Variants in TACC2 observed in about 807,000 individuals in gnomAD.
TACC2 encodes the protein transforming acidic coiled-coil containing protein 2, also known as transforming acidic coiled-coil-containing protein 2.
In TACC2, 137 loss-of-function variants were observed where a neutral mutation model predicts 227.3. The ratio of observed to expected loss-of-function variants is 0.60; its 90% CI spans 0.52 to 0.69. The LOEUF is 0.69. Among genes scored for constraint, TACC2 ranks in the 30% least tolerant of loss-of-function variants. The pLI is 0.00. For synonymous variants in TACC2, 1,523 were observed against 1,487.5 expected (o/e 1.02, Z -0.55); for missense variants, 3,470 against 3,694.4 (o/e 0.94, Z 1.57).
chr10:122,237,892 T>A (rs2095890537), intron 17 of TACC2, 69 bp from the exon 18 acceptor site: 5 of 1,152,696 alleles, frequency 4.3e-6, no homozygotes, highest in Admixed American at 2.0e-5. Flanking sequence ...CTTTTCTTGA[T>A]CTATGAATTG....
chr10:122,238,096 A>C, intron 18 of TACC2, 59 bp downstream of exon 18: 1 of 1,386,928 alleles, frequency 7.2e-7, no homozygotes, highest in Non-Finnish European at 1.0e-6. Context: ...TGGTTTAATA[A>C]TGACCGGAGC....
intron 19 of TACC2, among the ~76,000 whole-genome samples, chr10:122,243,854 C>T (rs1054289452): frequency 2.0e-5 from 3 of 152,092 alleles, no homozygotes; most frequent in East Asian, 1.9e-4. Context: ...TGTTGAAATG[C>T]GGGGGAAAGG....
At chr10:122,222,672 C>T (rs1285209808) in intron 11 of TACC2, among the ~76,000 whole-genome samples, 1 of 152,186 alleles carries the variant, frequency 6.6e-6, no homozygotes, top group Non-Finnish European at 1.5e-5. Context: ...ACCAGAAGAG[C>T]TGAGGTTCCA....
intron 7 of TACC2, among the ~76,000 whole-genome samples, chr10:122,176,109 CTCTCTCTCTATA>C (rs778952297): frequency 0.021 from 1,434 of 67,636 alleles, 3 homozygotes; most frequent in African/African-American, 0.07. Flanking sequence ...CTCTCTCTCT[CTCTCTCTCTATA>C]TATATATATA....
At chr10:122,245,333 C>T (rs537566411) in intron 19 of TACC2, among the ~76,000 whole-genome samples, 13 of 152,258 alleles carry the variant, frequency 8.5e-5, no homozygotes, top group African/African-American at 2.2e-4. Context: ...TTGCCTCCCC[C>T]GTCTCCTGGG....
intron 6 of TACC2, among the ~76,000 whole-genome samples, chr10:122,140,874 G>A (rs2090426956): frequency 6.6e-6 from 1 of 152,200 alleles, no homozygotes; most frequent in Non-Finnish European, 1.5e-5. Context: ...GGCTCCTGGA[G>A]GACCAGCTTC....
Position 122,205,003 on chromosome 10 carries a change from TC to T in TACC2, c.5972-5390del, listed in dbSNP as rs1358372926. Among the ~76,000 whole-genome samples the T allele has an allele frequency of 6.6e-6, 1 of 152,116 alleles. No homozygotes were observed. Among genetic ancestry groups the T allele is most frequent in the Non-Finnish European group, 1.5e-5 (1 of 68,018 alleles). On this transcript the variant is annotated intron_variant, in intron 8 of 22. Transcript: ENST00000369005. This position sits in a 1 kb window ranked among gnomAD's most constrained non-coding sequence, Gnocchi z 4.5. ...CCTAGCAAAGCCTCCCCTTAGGTGC[TC>T]CCCATCCTCACTATGGCTCTGTCAC... is the stretch of plus-strand genomic sequence containing the variant.
At chr10:122,159,187 G>A (rs1035892287) in intron 7 of TACC2, among the ~76,000 whole-genome samples, 4 of 152,224 alleles carry the variant, frequency 2.6e-5, no homozygotes, top group African/African-American at 4.8e-5. Context: ...GTGAGGCCAC[G>A]GTGAGGACCT....
chr10:122,054,104 G>T (rs972516088), intron 3 of TACC2, among the ~76,000 whole-genome samples: 9 of 152,162 alleles, frequency 5.9e-5, no homozygotes, highest in Admixed American at 2.0e-4. Context: ...TCTCCTCGAG[G>T]CTCTTCCCTC....
intron 5 of TACC2, among the ~76,000 whole-genome samples, chr10:122,122,358 A>AAAAT (rs777718486): frequency 1.6e-4 from 25 of 152,294 alleles, no homozygotes; most frequent in South Asian, 8.3e-4. Context: ...TCCGTCTCAA[A>AAAAT]AAATAAATAA....
At chr10:122,053,130 AC>A (rs969962662) in intron 3 of TACC2, among the ~76,000 whole-genome samples, 2 of 152,070 alleles carry the variant, frequency 1.3e-5, no homozygotes, top group Non-Finnish European at 2.9e-5. Context: ...ATAAAGATAT[AC>A]CCAAGACTGG....
intron 2 of TACC2, among the ~76,000 whole-genome samples, chr10:122,028,304 G>T (rs531904119): frequency 7.6e-4 from 114 of 150,558 alleles, no homozygotes; most frequent in Non-Finnish European, 1.4e-3. Context: ...TGGCCAGGCT[G>T]GTCTCAAACT....
chr10:122,223,053 CTTTT>C (rs35098612), intron 11 of TACC2, among the ~76,000 whole-genome samples: 6 of 94,006 alleles, frequency 6.4e-5, no homozygotes, highest in African/African-American at 1.2e-4. Context: ...CTCTCTCTCT[CTTTT>C]TTTTTTTTTT....
At chr10:122,067,886 A>T (rs2077564035) in intron 3 of TACC2, among the ~76,000 whole-genome samples, 2 of 151,602 alleles carry the variant, frequency 1.3e-5, no homozygotes, top group Non-Finnish European at 2.9e-5. Context: ...ATATTTGGAG[A>T]TTTTTCAGTC....
In TACC2 at chr10:122,086,966, T is replaced by G. The variant is rs377557246; in HGVS notation, c.4466T>G (p.Leu1489Arg). 17 of 1,613,880 alleles carry G rather than the reference T, an allele frequency of 1.1e-5. No homozygotes were observed. Among genetic ancestry groups the G allele is most frequent in the Non-Finnish European group, 1.4e-5 (17 of 1,180,054 alleles). Reference sequence around the variant, plus strand: ...GAGGCTGAGATTTCCCATCTGGCTCTGCAAGATCCAGCTTCAGACAAGCTT... The same window carrying G: ...GAGGCTGAGATTTCCCATCTGGCTCGGCAAGATCCAGCTTCAGACAAGCTT... ...AGEAEISHLA[L>R]QDPASDKLLG... Residue 1489 changes from leucine to arginine, a missense_variant, in exon 4 of 23, where the codon CTG becomes CGG. This residue lies in a region of TACC2 where 1,924 missense variants were observed against 1,978.3 expected (regional missense o/e 0.97). Coordinates refer to ENST00000369005, the MANE Select transcript of TACC2 (RefSeq NM_206862.4).
In TACC2 at chr10:122,234,816, C is replaced by A. The variant is rs187623971; in HGVS notation, c.8128-2579C>A. 3.2e-3 allele frequency among the ~76,000 whole-genome samples: 480 copies of A among 152,084 alleles called. 1 individual carries two copies. Among genetic ancestry groups the A allele is most frequent in the African/African-American group, 0.011 (462 of 41,470 alleles). Reference sequence around the variant, plus strand: ...TTCATTAGTCATATTTAGTTTCTGCCCACTATGATAAAGTTAGTTTTAATT... The same window carrying A: ...TTCATTAGTCATATTTAGTTTCTGCACACTATGATAAAGTTAGTTTTAATT... On this transcript the variant is annotated intron_variant, in intron 16 of 22. Transcript: ENST00000369005.
chr10:122,004,817 C>T (rs1954860530), intron 1 of TACC2, among the ~76,000 whole-genome samples: 1 of 152,158 alleles, frequency 6.6e-6, no homozygotes, highest in African/African-American at 2.4e-5. Context: ...TAGGCTGTAT[C>T]TAGGTAGCAG....
At chr10:122,177,394 T>A (rs1325142422) in intron 7 of TACC2, among the ~76,000 whole-genome samples, 1 of 152,114 alleles carries the variant, frequency 6.6e-6, no homozygotes, top group African/African-American at 2.4e-5. Flanking sequence ...CAGGGCCTTT[T>A]AAAAATTATA....
At position 122,085,120 on chromosome 10, in the gene TACC2, C is replaced by T. The variant is rs772782385; in HGVS notation, c.2620C>T (p.Gln874Ter). 1 of 1,614,144 alleles carries T rather than the reference C, an allele frequency of 6.2e-7. No homozygotes were observed. Among genetic ancestry groups the T allele is most frequent in the Admixed American group, 1.7e-5 (1 of 60,030 alleles). ...GFKDQGADSSQIHVPVEPQED... is the reference protein window; with the variant it reads ...GFKDQGADSS ...TAAGGACCAGGGAGCAGATTCTTCC[C>T]AAATCCATGTACCTGTGGAACCTCA... is the stretch of plus-strand genomic sequence containing the variant. Residue 874 changes from glutamine (Q) to a stop codon, truncating the protein, a stop_gained, in exon 4 of 23, where the codon CAA becomes TAA. Transcript: ENST00000369005. LOFTEE classifies it high-confidence loss of function.
Sources: gnomAD v4.1 joint callset for allele counts (sites outside exome capture counted in the v4.1 genomes callset) on GRCh38, gnomAD v4.1.1 for gene constraint, gnomAD v4.1.1 regional missense constraint, Gnocchi (gnomAD v3.1) non-coding constraint, MANE v1.5 for transcripts, NCBI Gene and HGNC (gene_info 2026-07-23, HGNC 2026-07-21) for gene names.